Variants in USH2A observed in about 807,000 individuals in gnomAD.
USH2A encodes usherin.
A neutral mutation model predicts 538.9 loss-of-function variants in USH2A; 443 were observed. The observed-to-expected ratio is 0.82, with a 90% CI of 0.76 to 0.89. The LOEUF (loss-of-function observed/expected upper bound fraction) is 0.89. Among genes scored for constraint, USH2A ranks in the 40% least tolerant of loss-of-function variants. USH2A has a pLI of 0.00. For synonymous variants in USH2A, 2,413 were observed against 2,273.5 expected (o/e 1.06, Z -1.75); for missense variants, 6,633 against 6,324.8 (o/e 1.05, Z -1.65).
chr1:216,271,371 C>T (rs192838715), intron 11 of USH2A, among the ~76,000 whole-genome samples: 192 of 152,130 alleles, frequency 1.3e-3, no homozygotes, highest in African/African-American at 4.2e-3. Flanking sequence ...CATGGCTTTA[C>T]GAAGGAGAGT....
At chr1:216,410,918 A>AT (rs2039478732) in intron 3 of USH2A, among the ~76,000 whole-genome samples, 1 of 152,134 alleles carries the variant, frequency 6.6e-6, no homozygotes, top group African/African-American at 2.4e-5. Flanking sequence ...GTCCATGAAA[A>AT]TACCATAACA....
chr1:216,063,525 A>G (rs1487063934), intron 30 of USH2A, among the ~76,000 whole-genome samples: 2 of 152,196 alleles, frequency 1.3e-5, no homozygotes, highest in East Asian at 3.8e-4. Flanking sequence ...GAAAGAAAAA[A>G]AATCAAAGAA....
chr1:215,721,846 T>G (rs1377134286), intron 61 of USH2A, among the ~76,000 whole-genome samples: 1 of 152,132 alleles, frequency 6.6e-6, no homozygotes, highest in Admixed American at 6.5e-5. Context: ...GGAGGATCTC[T>G]TGAGGCCGGG....
At chr1:215,741,608 G>T in intron 59 of USH2A, 71 bp from the exon 60 acceptor site, 19 of 1,533,688 alleles carry the variant, frequency 1.2e-5, no homozygotes, top group South Asian at 5.9e-5. Context: ...TCATACAGAA[G>T]GGTAATGATA....
chr1:216,073,380 A>G (rs1375837312), intron 27 of USH2A, 80 bp from the exon 28 acceptor site: 7 of 1,465,096 alleles, frequency 4.8e-6, no homozygotes, highest in Admixed American at 1.9e-5. Context: ...CTGCAGCACT[A>G]CATTTTGAGG....
intron 11 of USH2A, among the ~76,000 whole-genome samples, chr1:216,269,838 C>G (rs1441140847): frequency 1.3e-5 from 2 of 152,044 alleles, no homozygotes; most frequent in Non-Finnish European, 2.9e-5. Flanking sequence ...AACCGGGTGA[C>G]AATTGTCACA....
At chr1:215,986,384 T>C (rs1196089548) in intron 35 of USH2A, among the ~76,000 whole-genome samples, 6 of 148,332 alleles carry the variant, frequency 4.0e-5, no homozygotes, top group African/African-American at 1.5e-4. Context: ...CAGGCTCAGG[T>C]GATTTGCCCA....
intron 60 of USH2A, among the ~76,000 whole-genome samples, chr1:215,729,323 A>T (rs1188419529): frequency 6.6e-6 from 1 of 152,192 alleles, no homozygotes; most frequent in Non-Finnish European, 1.5e-5. Flanking sequence ...TTCACTTCTT[A>T]GATGCCACTT....
At chr1:215,995,240 G>A (rs1361044409) in intron 34 of USH2A, among the ~76,000 whole-genome samples, 1 of 151,992 alleles carries the variant, frequency 6.6e-6, no homozygotes, top group Non-Finnish European at 1.5e-5. Context: ...TGGTTTAGAA[G>A]GACTGTTTCA....
At chr1:215,859,785 T>A (rs1248310378) in intron 44 of USH2A, among the ~76,000 whole-genome samples, 1 of 152,198 alleles carries the variant, frequency 6.6e-6, no homozygotes, top group East Asian at 1.9e-4. Flanking sequence ...TTAAAAGTTA[T>A]CCTGCAACAG....
intron 43 of USH2A, among the ~76,000 whole-genome samples, chr1:215,869,056 TA>T (rs1327988104): frequency 6.6e-6 from 1 of 152,204 alleles, no homozygotes; most frequent in Non-Finnish European, 1.5e-5. Flanking sequence ...TCCAGACAAC[TA>T]AAAAATAATA....
At chr1:216,133,722 C>A (rs1474292967) in intron 21 of USH2A, among the ~76,000 whole-genome samples, 2 of 152,056 alleles carry the variant, frequency 1.3e-5, no homozygotes, top group African/African-American at 4.8e-5. Context: ...TCTATTTTTT[C>A]ACATCTTAGA....
intron 49 of USH2A, among the ~76,000 whole-genome samples, chr1:215,799,573 T>C (rs1432278323): frequency 1.3e-5 from 2 of 152,204 alleles, no homozygotes; most frequent in African/African-American, 2.4e-5. Flanking sequence ...GTTAATTACA[T>C]GAGAGGAGGT....
rs113353271 is a variant in USH2A at position 216,231,849 on chromosome 1, G to A, written c.2993+104C>T. 2,078 of 1,439,672 alleles carry A rather than the reference G, an allele frequency of 1.4e-3. 31 individuals are homozygous for A. In the African/African-American group the frequency reaches 0.027, roughly 19 times the overall value. 89.2% of individuals were successfully genotyped at this position (1,439,672 alleles called of 1,614,324 possible). A position where few individuals can be genotyped will look rare whatever the true frequency, so the allele number is the denominator to read the frequency against. On this transcript the variant is annotated intron_variant, in intron 14 of 71. Transcript: ENST00000307340. ...ATTACAGGTGTGAGCCACCAAGCCGGGCAAAAAAAATACTTTTTACAGAAG... is the reference window on the plus strand; with the variant it reads ...ATTACAGGTGTGAGCCACCAAGCCGAGCAAAAAAAATACTTTTTACAGAAG...
intron 38 of USH2A, among the ~76,000 whole-genome samples, chr1:215,904,500 G>A (rs1665582611): frequency 6.6e-6 from 1 of 151,936 alleles, no homozygotes; most frequent in Admixed American, 6.6e-5. Context: ...TTTCCCCTCT[G>A]TTTAACCCCT....
intron 37 of USH2A, among the ~76,000 whole-genome samples, chr1:215,948,466 G>T (rs996051849): frequency 7.0e-6 from 1 of 142,158 alleles, no homozygotes. Context: ...ACACACACAC[G>T]TATATATGGA....
chr1:215,830,284 T>G (rs1289625913), intron 47 of USH2A, among the ~76,000 whole-genome samples: 2 of 152,174 alleles, frequency 1.3e-5, no homozygotes, highest in Non-Finnish European at 2.9e-5. Context: ...TTGTTTTGTC[T>G]TCTTTCTGCT....
chr1:216,191,056 T>C (rs999623654), intron 19 of USH2A, among the ~76,000 whole-genome samples: 1 of 151,938 alleles, frequency 6.6e-6, no homozygotes, highest in Non-Finnish European at 1.5e-5. Context: ...CATAAATAAA[T>C]TATTAAACAA....
rs1372986343 is a variant in USH2A, at chr1:215,805,750, G to T, written c.9740-6625C>A. On this transcript the variant is annotated intron_variant, in intron 49 of 71. Coordinates refer to ENST00000307340, the MANE Select transcript of USH2A (RefSeq NM_206933.4). Reference sequence around the variant, plus strand: ...AAAACAGAAGATAAGACAGTAGATTGTCCCTTCCTTCTAAATTACAAGAGC... The same window carrying T: ...AAAACAGAAGATAAGACAGTAGATTTTCCCTTCCTTCTAAATTACAAGAGC... 2.6e-5 allele frequency among the ~76,000 whole-genome samples: 4 copies of T among 151,636 alleles called. No homozygotes were observed. In the East Asian group the frequency reaches 7.7e-4, roughly 29 times the overall value.
Sources: allele counts gnomAD v4.1 joint callset (sites outside exome capture counted in the v4.1 genomes callset), GRCh38; gene constraint gnomAD v4.1.1; transcripts MANE v1.5; gene names NCBI Gene and HGNC (gene_info 2026-07-23, HGNC 2026-07-21).